Variants in DLGAP2 observed in about 807,000 individuals in gnomAD.
The protein encoded by DLGAP2 is disks large-associated protein 2.
Under a neutral mutation model 100.3 loss-of-function variants are expected in DLGAP2, and 26 were observed. The ratio of observed to expected loss-of-function variants is 0.26; its 90% confidence interval spans 0.19 to 0.36. DLGAP2 has a LOEUF of 0.36. Ranked by LOEUF, DLGAP2 falls within the 10% of genes least tolerant of loss-of-function variation. The pLI is 1.00. For missense variants in DLGAP2, 1,858 were observed against 1,453.2 expected (o/e 1.28, Z -4.53); for synonymous variants, 886 against 630.1 (o/e 1.41, Z -6.08).
chr8:756,124 G>T (rs1229434000), intron 1 of DLGAP2, among the ~76,000 whole-genome samples: 2 of 152,174 alleles, frequency 1.3e-5, no homozygotes, highest in African/African-American at 4.8e-5. Flanking sequence ...AACACGCTGA[G>T]TTTGTGGCTG....
At chr8:1,210,430 T>A (rs375948764) in intron 2 of DLGAP2, among the ~76,000 whole-genome samples, 1 of 152,188 alleles carries the variant, frequency 6.6e-6, no homozygotes, top group African/African-American at 2.4e-5. Flanking sequence ...TTAAAGAGTT[T>A]CCATGTTCAT....
rs992202004 is a variant in DLGAP2, at chr8:1,270,786, A to G, written c.106+11903A>G. Among the ~76,000 whole-genome samples the G allele has an allele frequency of 4.6e-5, 6 of 131,638 alleles. No individual in the cohort carries two copies. The South Asian group carries it at 1.0e-3, about 23-fold the overall frequency. 86.4% of individuals were successfully genotyped at this position (131,638 alleles called of 152,430 possible). ...TCTGTGTGTCTCTCTGTGTGTGTCT[A>G]CCTCTCTCTGTGTGTCTCTGTGTGT... is the stretch of plus-strand genomic sequence containing the variant. On this transcript the variant is annotated intron_variant, in intron 3 of 14. Transcript: ENST00000637795.
rs927612734 is a variant in DLGAP2, at chr8:973,017, T to G, written c.73+65051T>G. On this transcript the variant is annotated intron_variant, in intron 2 of 14. Transcript: ENST00000637795. Reference sequence around the variant, plus strand: ...AAATGGAGTCCCCTATGTCTACTTCTTTCTACACAGACACAGCATCAATCT... The same window carrying G: ...AAATGGAGTCCCCTATGTCTACTTCGTTCTACACAGACACAGCATCAATCT... Among the ~76,000 whole-genome samples the G allele has an allele frequency of 3.3e-5, 5 of 152,376 alleles. No homozygotes were observed. The East Asian group carries it at 9.6e-4, about 29-fold the overall frequency.
At chr8:936,185 T>C (rs12676143) in intron 2 of DLGAP2, among the ~76,000 whole-genome samples, 27,601 of 152,052 alleles carry the variant, frequency 0.18, 2,648 homozygotes, top group East Asian at 0.3. Context: ...AGAGTGAGCC[T>C]CTGTAGGAGT....
chr8:1,031,648 A>G (rs1256306262), intron 2 of DLGAP2, among the ~76,000 whole-genome samples: 1 of 152,178 alleles, frequency 6.6e-6, no homozygotes, highest in Non-Finnish European at 1.5e-5. Flanking sequence ...CTTGCACTTT[A>G]TAAAGTGACA....
At chr8:1,379,256 G>A (rs1336155631) in intron 3 of DLGAP2, among the ~76,000 whole-genome samples, 1 of 152,240 alleles carries the variant, frequency 6.6e-6, no homozygotes, top group African/African-American at 2.4e-5. Context: ...CCGGCTCTGT[G>A]CCAGGCACAG....
At chr8:898,781 G>T (rs1049039531) in intron 1 of DLGAP2, among the ~76,000 whole-genome samples, 2 of 152,180 alleles carry the variant, frequency 1.3e-5, no homozygotes, top group African/African-American at 2.4e-5. Flanking sequence ...TCTGGTGCTT[G>T]TGAGTTTTTG....
chr8:1,641,949 C>G (rs1797917085), intron 8 of DLGAP2, among the ~76,000 whole-genome samples: 2 of 119,110 alleles, frequency 1.7e-5, no homozygotes, highest in Non-Finnish European at 3.3e-5. Context: ...CCCGCCGGTC[C>G]TCACCTGTGT....
chr8:1,362,216 G>A (rs928272307), intron 3 of DLGAP2, among the ~76,000 whole-genome samples: 2 of 152,060 alleles, frequency 1.3e-5, no homozygotes, highest in African/African-American at 4.8e-5. Context: ...CGAGTCCTCG[G>A]GAACTGTGGG....
At chr8:1,543,519 G>C (rs184371824) in intron 4 of DLGAP2, among the ~76,000 whole-genome samples, 2 of 152,346 alleles carry the variant, frequency 1.3e-5, no homozygotes, top group East Asian at 3.9e-4. Context: ...CTGGACTCCA[G>C]TTCAGTTCCA....
chr8:1,373,616 A>G (rs1335649127), intron 3 of DLGAP2: 3 of 152,234 alleles, frequency 2.0e-5, no homozygotes, highest in Non-Finnish European at 2.9e-5. Flanking sequence ...TTCTCTACCC[A>G]AACCTCGCTT....
At chr8:1,587,304 G>A (rs1297663370) in intron 6 of DLGAP2, among the ~76,000 whole-genome samples, 1 of 152,186 alleles carries the variant, frequency 6.6e-6, no homozygotes, top group East Asian at 1.9e-4. Flanking sequence ...TGCCTATAGT[G>A]GTCTGCCAGC....
chr8:1,312,215 C>G lies in DLGAP2; in HGVS notation c.106+53332C>G, dbSNP rs565921664. The stretch of plus-strand genomic sequence containing the variant: ...AAGTTACCTCGACATAGATCACAGA[C>G]CTAAATATAAAACACAGGGTCTAGA... On this transcript the variant is annotated intron_variant, in intron 3 of 14. Coordinates refer to ENST00000637795, the MANE Select transcript of DLGAP2 (RefSeq NM_001346810.2). Among the ~76,000 whole-genome samples, 7 of 152,266 alleles carry G rather than the reference C, an allele frequency of 4.6e-5. No homozygotes were observed. The South Asian group carries it at 8.3e-4, about 18-fold the overall frequency.
At chr8:1,012,776 C>G (rs1315003341) in intron 2 of DLGAP2, among the ~76,000 whole-genome samples, 1 of 148,758 alleles carries the variant, frequency 6.7e-6, no homozygotes, top group African/African-American at 2.5e-5. Flanking sequence ...GACCAGCCCC[C>G]CACTTCAGCG....
At chr8:1,618,930 C>A (rs1167603894) in intron 6 of DLGAP2, among the ~76,000 whole-genome samples, 1 of 152,150 alleles carries the variant, frequency 6.6e-6, no homozygotes, top group Non-Finnish European at 1.5e-5. Flanking sequence ...CATACATCAC[C>A]AGATGTCCCT....
intron 3 of DLGAP2, among the ~76,000 whole-genome samples, chr8:1,303,119 G>GCC (rs1247539892): frequency 6.6e-6 from 1 of 152,124 alleles, no homozygotes; most frequent in Non-Finnish European, 1.5e-5. Context: ...AGGAAGGGGT[G>GCC]GGGCGCGGTG....
intron 2 of DLGAP2, among the ~76,000 whole-genome samples, chr8:1,223,809 G>A (rs1301358855): frequency 6.6e-6 from 1 of 152,124 alleles, no homozygotes; most frequent in Admixed American, 6.5e-5. Context: ...TTGAATAGTA[G>A]GCAGAGATTT....
chr8:857,092 TGAA>T lies in DLGAP2; in HGVS notation c.19-50818_19-50816del, dbSNP rs1443009218. Among the ~76,000 whole-genome samples, 4 of 152,316 alleles carry T rather than the reference TGAA, an allele frequency of 2.6e-5. No individual in the cohort carries two copies. In the East Asian group the frequency reaches 7.7e-4, roughly 29 times the overall value. On this transcript the variant is annotated intron_variant, in intron 1 of 14. Coordinates refer to ENST00000637795, the MANE Select transcript of DLGAP2 (RefSeq NM_001346810.2). ...GTAAATACAGCCAGCTGATCTTTGA[TGAA>T]GGAGGAAAGGCCATTCAATGGAGAG...
intron 2 of DLGAP2, chr8:1,002,235 A>G (rs536659798): frequency 1.6e-4 from 25 of 152,136 alleles, no homozygotes; most frequent in African/African-American, 5.8e-4. Context: ...GTTCAAAGGC[A>G]CTGCTGCACA....
Sources: gnomAD v4.1 joint callset for allele counts (sites outside exome capture counted in the v4.1 genomes callset) on GRCh38, gnomAD v4.1.1 for gene constraint, MANE v1.5 for transcripts, NCBI Gene and HGNC (gene_info 2026-07-23, HGNC 2026-07-21) for gene names.